Variants in CCDC85A observed in about 807,000 individuals in gnomAD.
The protein encoded by CCDC85A is coiled-coil domain containing 85A.
A neutral mutation model predicts 50.2 loss-of-function variants in CCDC85A; 38 were observed. That is an observed-to-expected ratio of 0.76 (90% CI 0.58 to 0.99). The LOEUF (loss-of-function observed/expected upper bound fraction) is 0.99, where lower values mean the gene tolerates loss of function less well. Ranked by LOEUF, CCDC85A falls within the 50% of genes least tolerant of loss-of-function variation. The pLI is 0.00. For missense variants in CCDC85A, 820 were observed against 742.0 expected, an observed-to-expected ratio of 1.11 and a Z score of -1.22; for synonymous variants, 366 against 301.4, an observed-to-expected ratio of 1.21 and a Z score of -2.22.
At chr2:56,208,062 T>A (rs1019900686) in intron 2 of CCDC85A, among the ~76,000 whole-genome samples, 1 of 152,152 alleles carries the variant, frequency 6.6e-6, no homozygotes, top group Non-Finnish European at 1.5e-5. Context: ...CAATTCTGAG[T>A]TCTTATAAAA....
intron 2 of CCDC85A, among the ~76,000 whole-genome samples, chr2:56,289,863 A>T (rs1355378681): frequency 1.4e-5 from 2 of 145,398 alleles, no homozygotes; most frequent in Non-Finnish European, 3.0e-5. Context: ...GCTGGCAGTA[A>T]AGTATGATAT....
At chr2:56,228,978 C>T (rs1229737211) in intron 2 of CCDC85A, among the ~76,000 whole-genome samples, 3 of 152,174 alleles carry the variant, frequency 2.0e-5, no homozygotes, top group Non-Finnish European at 4.4e-5. Context: ...TTTCCAAATA[C>T]ACAGTTGAAA....
intron 3 of CCDC85A, among the ~76,000 whole-genome samples, chr2:56,364,673 G>A (rs1282159243): frequency 1.3e-5 from 2 of 152,208 alleles, no homozygotes; most frequent in East Asian, 3.9e-4. Flanking sequence ...CTGGTTAATA[G>A]CATGACCATT....
Position 56,192,630 on chromosome 2 carries a change from T to C in CCDC85A, c.430T>C (p.Tyr144His), listed in dbSNP as rs1676345020. 2 of 1,613,746 alleles carry C rather than the reference T, an allele frequency of 1.2e-6. No homozygotes were observed. The highest frequency in any genetic ancestry group is 1.7e-5 in the Admixed American group (1 of 59,982). The change falls in exon 2 of 6, where the codon TAC (tyrosine) becomes CAC (histidine). Residue 144 changes from tyrosine to histidine, a missense_variant. Transcript: ENST00000407595. The surrounding 1 kb of genome is among the most constrained non-coding windows in gnomAD (Gnocchi z 4.7). ...AGVMHKEVAL[Y>H]LQKLKDLEVK... ...GGTGATGCACAAGGAAGTGGCCTTA[T>C]ACCTGCAGAAGCTGAAAGACCTGGA... is the stretch of plus-strand genomic sequence containing the variant.
chr2:56,363,003 A>T (rs941379471), intron 3 of CCDC85A, among the ~76,000 whole-genome samples: 3 of 152,082 alleles, frequency 2.0e-5, no homozygotes, highest in Non-Finnish European at 4.4e-5. Flanking sequence ...AAGATGTTTT[A>T]TATTTTGTTT....
chr2:56,385,449 A>T lies in CCDC85A; in HGVS notation c.*1094A>T, dbSNP rs1204517728. ...TTTCTTATTTTTGGTATACATATAC[A>T]TATATATAACATTAGAATGTGTGTA... On this transcript the variant is annotated 3_prime_UTR_variant, in exon 6 of 6. Coordinates refer to ENST00000407595, the MANE Select transcript of CCDC85A (RefSeq NM_001080433.2). 1 of 152,196 alleles carries T rather than the reference A, an allele frequency of 6.6e-6. No individual in the cohort carries two copies. Among genetic ancestry groups the T allele is most frequent in the East Asian group, 1.9e-4 (1 of 5,158 alleles). The allele number at this position is 152,196 out of a possible 1,614,324, so 9.4% of individuals were successfully genotyped here.
intron 2 of CCDC85A, among the ~76,000 whole-genome samples, chr2:56,287,933 G>T (rs146024388): frequency 6.6e-6 from 1 of 151,806 alleles, no homozygotes; most frequent in Non-Finnish European, 1.5e-5. Context: ...TGAGTTTTTC[G>T]TCTTCCACAG....
chr2:56,348,454 C>T (rs999790541), intron 3 of CCDC85A, among the ~76,000 whole-genome samples: 2 of 152,206 alleles, frequency 1.3e-5, no homozygotes, highest in African/African-American at 4.8e-5. Context: ...TTCTCTAGTG[C>T]TAGCACACAC....
intron 2 of CCDC85A, among the ~76,000 whole-genome samples, chr2:56,210,164 A>T (rs1400261389): frequency 1.3e-5 from 2 of 152,100 alleles, no homozygotes; most frequent in African/African-American, 2.4e-5. Flanking sequence ...CTGTGAAGGC[A>T]CATATCTGCC....
chr2:56,270,066 G>A (rs775849640), intron 2 of CCDC85A, among the ~76,000 whole-genome samples: 10 of 152,186 alleles, frequency 6.6e-5, no homozygotes, highest in South Asian at 6.2e-4. Flanking sequence ...ACCTGTTTTC[G>A]TTTCATTGCA....
Position 56,326,616 on chromosome 2 carries a change from C to A in CCDC85A, c.1241-16263C>A, listed in dbSNP as rs528787040. ...ACACATTTAGGTTGCCCTGTGTTGG[C>A]TGGATTTAAGAGGACTCTTGAGATT... On this transcript the variant is annotated intron_variant, in intron 2 of 5. Coordinates refer to ENST00000407595, the MANE Select transcript of CCDC85A (RefSeq NM_001080433.2). Among the ~76,000 whole-genome samples, 8 of 152,160 alleles carry A rather than the reference C, an allele frequency of 5.3e-5. No homozygotes were observed. The South Asian group carries it at 1.5e-3, about 28-fold the overall frequency.
In CCDC85A at chr2:56,385,822, T is replaced by G. The variant is rs1459864552; in HGVS notation, c.*1467T>G. The G allele has an allele frequency of 6.6e-6, 1 of 151,848 alleles. No individual in the cohort carries two copies. The highest frequency in any genetic ancestry group is 1.9e-4 in the East Asian group (1 of 5,140). 9.4% of individuals were successfully genotyped at this position (151,848 alleles called of 1,614,324 possible). On this transcript the variant is annotated 3_prime_UTR_variant, in exon 6 of 6. Transcript: ENST00000407595. ...TATGAATTAATTTACTATAGAATTA[T>G]CTCTCTAATTATCATAATTGGGTTA...
chr2:56,378,691 CTAGT>C (rs1471262670), intron 5 of CCDC85A, among the ~76,000 whole-genome samples: 3 of 152,160 alleles, frequency 2.0e-5, no homozygotes, highest in Non-Finnish European at 4.4e-5. Flanking sequence ...GGATCGAACT[CTAGT>C]TAGATTCAGA....
chr2:56,335,618 T>G (rs1674033298), intron 2 of CCDC85A, among the ~76,000 whole-genome samples: 1 of 139,592 alleles, frequency 7.2e-6, no homozygotes, highest in Non-Finnish European at 1.5e-5. Flanking sequence ...TTTTTTTTTT[T>G]TGAGAAGTAG....
intron 2 of CCDC85A, among the ~76,000 whole-genome samples, chr2:56,284,322 A>G (rs1349171303): frequency 6.6e-6 from 1 of 152,168 alleles, no homozygotes; most frequent in East Asian, 1.9e-4. Flanking sequence ...ACATTTCTGA[A>G]TATAGTGATT....
chr2:56,283,982 C>T (rs1048480509), intron 2 of CCDC85A, among the ~76,000 whole-genome samples: 8 of 152,028 alleles, frequency 5.3e-5, no homozygotes, highest in Non-Finnish European at 1.0e-4. Flanking sequence ...GATTTTAAAC[C>T]TTTTATCTTT....
chr2:56,230,926 T>G lies in CCDC85A; in HGVS notation c.1240+37486T>G, dbSNP rs547857250. On this transcript the variant is annotated intron_variant, in intron 2 of 5. Coordinates refer to ENST00000407595, the MANE Select transcript of CCDC85A (RefSeq NM_001080433.2). ...GTCTACTTTTGTCTTATTCTTTTGC[T>G]ACTGAGGGTCTGCTTGGGTGCTTAA... Among the ~76,000 whole-genome samples, 630 of 152,272 alleles carry G rather than the reference T, an allele frequency of 4.1e-3. 6 individuals are homozygous for G. The highest frequency in any genetic ancestry group is 0.015 in the African/African-American group (610 of 41,554).
intron 5 of CCDC85A, among the ~76,000 whole-genome samples, chr2:56,377,078 T>C (rs1573372639): frequency 6.6e-6 from 1 of 152,216 alleles, no homozygotes; most frequent in East Asian, 1.9e-4. Context: ...ATGAATTTGC[T>C]TTTCCTAAAC....
At chr2:56,322,081 G>A (rs934169162) in intron 2 of CCDC85A, among the ~76,000 whole-genome samples, 4 of 152,148 alleles carry the variant, frequency 2.6e-5, no homozygotes, top group Admixed American at 6.5e-5. Flanking sequence ...GGGAAAACTG[G>A]CTAGCCATAC....
Sources: gnomAD v4.1 joint callset for allele counts (sites outside exome capture counted in the v4.1 genomes callset) on GRCh38, gnomAD v4.1.1 for gene constraint, Gnocchi (gnomAD v3.1) non-coding constraint, MANE v1.5 for transcripts, NCBI Gene and HGNC (gene_info 2026-07-23, HGNC 2026-07-21) for gene names.